Variants in ACTN4 observed in about 807,000 individuals in gnomAD.
ACTN4 encodes the protein alpha-actinin-4.
Under a neutral mutation model 114.2 loss-of-function variants are expected in ACTN4, and 18 were observed. The observed-to-expected ratio is 0.16, with a 90% CI of 0.11 to 0.23. ACTN4 has a LOEUF of 0.23. Ranked by LOEUF, ACTN4 falls within the 10% of genes least tolerant of loss-of-function variation. The pLI is 1.00. For synonymous variants in ACTN4, 515 were observed against 506.3 expected (o/e 1.02, Z -0.23); for missense variants, 722 against 1,262.9 (o/e 0.57, Z 6.49).
Position 38,730,172 on chromosome 19 carries a change from GAA to G in ACTN4, c.*742_*743del, listed in dbSNP as rs897905002. 1.6e-5 allele frequency: 2 copies of G among 124,764 alleles called. No individual in the cohort carries two copies. Among genetic ancestry groups the G allele is most frequent in the African/African-American group, 6.8e-5 (2 of 29,308 alleles). The allele number at this position is 124,764 out of a possible 1,614,324, so 7.7% of individuals were successfully genotyped here. ...ACAAAAACAAAAAAACTATAAAAAA[GAA>G]AGAATTAAAAACTTTCAGAGAATTA... On this transcript the variant is annotated 3_prime_UTR_variant, in exon 21 of 21. Transcript: ENST00000252699.
intron 8 of ACTN4, chr19:38,711,237 C>G (rs562821183): frequency 2.1e-6 from 2 of 963,594 alleles, no homozygotes; most frequent in South Asian, 9.4e-5. Context: ...CTTTCACTCT[C>G]TCCTGCCTCT....
chr19:38,673,441 TTA>T (rs954351526), intron 1 of ACTN4, among the ~76,000 whole-genome samples: 1 of 114,328 alleles, frequency 8.7e-6, no homozygotes, highest in East Asian at 2.2e-4. Flanking sequence ...GTTTTATTTT[TTA>T]TATATATATA....
At chr19:38,677,202 C>T (rs1470201980) in intron 1 of ACTN4, among the ~76,000 whole-genome samples, 1 of 152,044 alleles carries the variant, frequency 6.6e-6, no homozygotes, top group Admixed American at 6.5e-5. Context: ...TGTCCATCAC[C>T]TCTACTTCTC....
intron 6 of ACTN4, 27 bp downstream of exon 6, chr19:38,708,222 G>A (rs199704437): frequency 1.2e-6 from 2 of 1,611,698 alleles, no homozygotes; most frequent in Non-Finnish European, 1.7e-6. Flanking sequence ...CCCCTTGATG[G>A]CCCACAGACG....
intron 1 of ACTN4, among the ~76,000 whole-genome samples, chr19:38,690,369 T>C (rs751013116): frequency 2.0e-5 from 3 of 152,222 alleles, no homozygotes; most frequent in Non-Finnish European, 2.9e-5. Flanking sequence ...AGGCGCCCAT[T>C]GCTGCTCATT....
chr19:38,668,739 T>C (rs1967041509), intron 1 of ACTN4, among the ~76,000 whole-genome samples: 1 of 125,558 alleles, frequency 8.0e-6, no homozygotes, highest in South Asian at 2.5e-4. Context: ...ATGATGGAAG[T>C]GAACAGTGTT....
intron 12 of ACTN4, 22 bp downstream of exon 12, chr19:38,721,710 T>C (rs868316519): frequency 2.5e-6 from 4 of 1,609,792 alleles, no homozygotes; most frequent in Non-Finnish European, 3.4e-6. Context: ...CTCAGGACAC[T>C]ATCATCACCT....
At chr19:38,729,178 C>T in intron 20 of ACTN4, 24 bp downstream of exon 20, 1 of 1,612,790 alleles carries the variant, frequency 6.2e-7, no homozygotes, top group Non-Finnish European at 8.5e-7. Context: ...CTACGAGGTG[C>T]ATGGGGGCTG....
In ACTN4 at chr19:38,707,715, C is replaced by T. The variant is rs149567113; in HGVS notation, c.573-402C>T. 3.8e-3 allele frequency among the ~76,000 whole-genome samples: 579 copies of T among 152,312 alleles called. 1 individual carries two copies. Among genetic ancestry groups the T allele is most frequent in the Non-Finnish European group, 6.3e-3 (427 of 68,030 alleles). On this transcript the variant is annotated intron_variant, in intron 5 of 20. Transcript: ENST00000252699. ...CCTGCAGTGGCCACCTCCCCCGAAG[C>T]GGCCTGTCTGGTTCAGGGCGGCCTC...
Position 38,729,848 on chromosome 19 carries a change from C to T in ACTN4, c.*416C>T, listed in dbSNP as rs1237680425. The T allele has an allele frequency of 2.7e-6, 1 of 372,754 alleles. No individual in the cohort carries two copies. Among genetic ancestry groups the T allele is most frequent in the Non-Finnish European group, 5.3e-6 (1 of 189,616 alleles). The allele number at this position is 372,754 out of a possible 1,614,324, so 23.1% of individuals were successfully genotyped here. A position where few individuals can be genotyped will look rare whatever the true frequency, so the allele number is the denominator to read the frequency against. On this transcript the variant is annotated 3_prime_UTR_variant, in exon 21 of 21. Transcript: ENST00000252699. The stretch of plus-strand genomic sequence containing the variant: ...CCCATGTGCCTTGTCCAGGAACTGC[C>T]TGGGCCATGCGAGGGGCCAGCAGAG...
rs139882156 is a variant in ACTN4 at position 38,693,089 on chromosome 19, G to A, written c.163-7511G>A. On this transcript the variant is annotated intron_variant, in intron 1 of 20. Transcript: ENST00000252699. ...CCTCCTGGGTGATATCCTGCTAGGC[G>A]GGTGGGCAGTGTACACGGCAGAAGA... 1.5e-3 allele frequency among the ~76,000 whole-genome samples: 225 copies of A among 152,292 alleles called. 5 individuals carry two copies. The East Asian group carries it at 0.033, about 22-fold the overall frequency.
At chr19:38,696,578 T>G (rs1023206897) in intron 1 of ACTN4, among the ~76,000 whole-genome samples, 2 of 152,162 alleles carry the variant, frequency 1.3e-5, no homozygotes, top group Non-Finnish European at 2.9e-5. Flanking sequence ...TACTCACCAG[T>G]CTCTCCGCAT....
At chr19:38,691,984 T>C (rs1967945999) in intron 1 of ACTN4, among the ~76,000 whole-genome samples, 2 of 152,104 alleles carry the variant, frequency 1.3e-5, no homozygotes, top group South Asian at 4.2e-4. Flanking sequence ...TGTCCAAGAC[T>C]GGAACACTGG....
intron 1 of ACTN4, among the ~76,000 whole-genome samples, chr19:38,670,680 T>C (rs1463234121): frequency 1.3e-5 from 2 of 152,010 alleles, no homozygotes; most frequent in African/African-American, 2.4e-5. Context: ...ATCCCAGCAC[T>C]TTGGGAGGCT....
Position 38,727,859 on chromosome 19 carries a change from C to T in ACTN4, c.2338-87C>T. 7.8e-7 allele frequency: 1 copy of T among 1,280,000 alleles called. No homozygotes were observed. The highest frequency in any genetic ancestry group is 2.4e-5 in the East Asian group (1 of 40,998). 79.3% of individuals were successfully genotyped at this position (1,280,000 alleles called of 1,614,324 possible). On this transcript the variant is annotated intron_variant, in intron 18 of 20. Coordinates refer to ENST00000252699, the MANE Select transcript of ACTN4 (RefSeq NM_004924.6). The surrounding 1 kb of genome is among the most constrained non-coding windows in gnomAD (Gnocchi z 5.4). ...GTTTCCCTCCCCTACGTGTCCCTTC[C>T]CCCTGCCCTCTGCATGTGACCCCGA... is the stretch of plus-strand genomic sequence containing the variant.
intron 6 of ACTN4, among the ~76,000 whole-genome samples, 160 bp from the exon 7 acceptor site, chr19:38,709,235 G>T (rs1968560480): frequency 6.6e-6 from 1 of 152,132 alleles, no homozygotes; most frequent in Admixed American, 6.5e-5. Context: ...TATCCAGGCG[G>T]TGCCCTCCCG....
At chr19:38,712,113 AC>A (rs1319554834) in intron 8 of ACTN4, among the ~76,000 whole-genome samples, 1 of 151,842 alleles carries the variant, frequency 6.6e-6, no homozygotes, top group Non-Finnish European at 1.5e-5. Context: ...CACGCTAGGC[AC>A]CCTCCAAGGC....
At chr19:38,706,022 A>G (rs767316355) in intron 4 of ACTN4, 22 bp from the exon 5 acceptor site, 15 of 1,613,098 alleles carry the variant, frequency 9.3e-6, no homozygotes, top group Non-Finnish European at 1.2e-5. Context: ...GCCAGTGCTC[A>G]CTGTCTTTGT....
chr19:38,725,361 C>G (rs1969196992), intron 16 of ACTN4, among the ~76,000 whole-genome samples: 1 of 152,202 alleles, frequency 6.6e-6, no homozygotes, highest in Non-Finnish European at 1.5e-5. Context: ...GGGTTCAGAT[C>G]CCAACTCTGC....
Sources: allele counts gnomAD v4.1 joint callset (sites outside exome capture counted in the v4.1 genomes callset), GRCh38; gene constraint gnomAD v4.1.1; non-coding constraint Gnocchi (gnomAD v3.1); transcripts MANE v1.5; gene names NCBI Gene and HGNC (gene_info 2026-07-23, HGNC 2026-07-21).